The following SNTG1 variants were observed in gnomAD, a reference collection of about 807,000 sequenced individuals.
The protein encoded by SNTG1 is gamma-1-syntrophin.
SNTG1 carries 39 observed loss-of-function variants against 74.7 expected under a neutral mutation model. The ratio of observed to expected loss-of-function variants is 0.52; its 90% CI spans 0.40 to 0.68. The LOEUF is 0.68. Among genes scored for constraint, SNTG1 ranks in the 30% least tolerant of loss-of-function variants. The pLI is 0.00. For synonymous variants in SNTG1, 254 were observed against 217.1 expected (o/e 1.17, Z -1.49); for missense variants, 685 against 609.5 (o/e 1.12, Z -1.30).
chr8:50,428,220 G>A (rs2093188564), intron 4 of SNTG1, among the ~76,000 whole-genome samples: 1 of 152,166 alleles, frequency 6.6e-6, no homozygotes, highest in Non-Finnish European at 1.5e-5. Context: ...TGATGCAGAA[G>A]GATCTCTTTA....
intron 2 of SNTG1, among the ~76,000 whole-genome samples, chr8:50,175,170 C>T (rs1353734382): frequency 6.6e-6 from 1 of 152,094 alleles, no homozygotes; most frequent in Non-Finnish European, 1.5e-5. Context: ...CCGCAATAAA[C>T]ATACGTGTGC....
intron 2 of SNTG1, among the ~76,000 whole-genome samples, chr8:50,181,675 A>G (rs2083210374): frequency 6.6e-6 from 1 of 152,214 alleles, no homozygotes; most frequent in Non-Finnish European, 1.5e-5. Flanking sequence ...TAACTGTGTA[A>G]TTGCTAGTAT....
chr8:50,599,504 C>A (rs995896281), intron 13 of SNTG1, among the ~76,000 whole-genome samples: 1 of 151,804 alleles, frequency 6.6e-6, no homozygotes, highest in Admixed American at 6.6e-5. Context: ...TATAAAATGT[C>A]TTTCTTTTTT....
intron 18 of SNTG1, among the ~76,000 whole-genome samples, chr8:50,779,578 G>C (rs2095652185): frequency 6.6e-6 from 1 of 152,116 alleles, no homozygotes; most frequent in Non-Finnish European, 1.5e-5. Context: ...TGCCGAAGTT[G>C]CTTATCAGCT....
At chr8:50,095,458 G>C (rs2079892182) in intron 1 of SNTG1, among the ~76,000 whole-genome samples, 1 of 152,182 alleles carries the variant, frequency 6.6e-6, no homozygotes, top group Non-Finnish European at 1.5e-5. Context: ...ACAGTACTGA[G>C]GTCAGGTGGC....
intron 1 of SNTG1, among the ~76,000 whole-genome samples, chr8:49,993,467 G>A (rs895860262): frequency 9.2e-5 from 14 of 151,548 alleles, no homozygotes; most frequent in Admixed American, 1.3e-4. Context: ...GTATACATGT[G>A]CCATGGTGGT....
At chr8:50,359,684 G>T (rs1033676818) in intron 2 of SNTG1, among the ~76,000 whole-genome samples, 5 of 152,134 alleles carry the variant, frequency 3.3e-5, no homozygotes, top group African/African-American at 9.7e-5. Flanking sequence ...AGAAATTCTA[G>T]TTGTCTATCA....
At chr8:50,777,912 C>A (rs2095645902) in intron 18 of SNTG1, among the ~76,000 whole-genome samples, 1 of 152,012 alleles carries the variant, frequency 6.6e-6, no homozygotes, top group South Asian at 2.1e-4. Context: ...TCCATGTGAT[C>A]TCATTGTTCA....
chr8:50,672,035 G>C (rs1272684855), intron 15 of SNTG1, among the ~76,000 whole-genome samples: 3 of 125,618 alleles, frequency 2.4e-5, no homozygotes, highest in African/African-American at 9.1e-5. Flanking sequence ...CACACTCTGG[G>C]GACTGTTGTG....
At chr8:50,075,704 C>T (rs534723076) in intron 1 of SNTG1, among the ~76,000 whole-genome samples, 2 of 152,262 alleles carry the variant, frequency 1.3e-5, no homozygotes, top group Non-Finnish European at 2.9e-5. Context: ...CCTTTATGAG[C>T]TGTAACACTC....
chr8:50,122,623 T>C (rs1461822936), intron 1 of SNTG1, among the ~76,000 whole-genome samples: 1 of 141,702 alleles, frequency 7.1e-6, no homozygotes. Context: ...GGTGAGGCGG[T>C]AGCTCAGGAG....
intron 13 of SNTG1, among the ~76,000 whole-genome samples, chr8:50,621,663 T>C: frequency 6.6e-6 from 1 of 152,164 alleles, no homozygotes; most frequent in Non-Finnish European, 1.5e-5. Context: ...AACAGACAAC[T>C]GCCAAGCCTC....
chr8:50,319,202 A>C (rs2090434333), intron 2 of SNTG1, among the ~76,000 whole-genome samples: 1 of 152,094 alleles, frequency 6.6e-6, no homozygotes. Flanking sequence ...ACATACTTAC[A>C]AAAGTACAAA....
chr8:50,339,207 T>A (rs982787523), intron 2 of SNTG1, among the ~76,000 whole-genome samples: 1 of 152,076 alleles, frequency 6.6e-6, no homozygotes, highest in Admixed American at 6.5e-5. Flanking sequence ...AGTTAAATTA[T>A]CCTTCAAATG....
chr8:50,427,115 C>T (rs897100512), intron 4 of SNTG1, among the ~76,000 whole-genome samples: 12 of 151,974 alleles, frequency 7.9e-5, no homozygotes, highest in Non-Finnish European at 1.3e-4. Context: ...TATACTTCTA[C>T]CTATATAGAT....
intron 1 of SNTG1, among the ~76,000 whole-genome samples, chr8:49,985,782 G>T (rs1229380471): frequency 3.9e-5 from 6 of 152,044 alleles, no homozygotes; most frequent in African/African-American, 1.2e-4. Flanking sequence ...AAATTCATGT[G>T]ATTGTTTTTT....
intron 2 of SNTG1, among the ~76,000 whole-genome samples, chr8:50,363,809 A>G (rs1207125251): frequency 2.6e-5 from 4 of 152,124 alleles, no homozygotes; most frequent in Non-Finnish European, 5.9e-5. Flanking sequence ...AGATTTGGAG[A>G]ATCTCTCATA....
At chr8:50,157,198 A>G (rs2082279550) in intron 1 of SNTG1, among the ~76,000 whole-genome samples, 1 of 152,100 alleles carries the variant, frequency 6.6e-6, no homozygotes, top group Non-Finnish European at 1.5e-5. Flanking sequence ...CTGAATATAG[A>G]TATTTAGATG....
intron 2 of SNTG1, among the ~76,000 whole-genome samples, chr8:50,329,523 C>T (rs1266989711): frequency 6.6e-6 from 1 of 152,098 alleles, no homozygotes; most frequent in Admixed American, 6.5e-5. Flanking sequence ...GGCCCTTGCA[C>T]CCTCTAAAGC....
Sources: gnomAD v4.1 joint callset for allele counts (sites outside exome capture counted in the v4.1 genomes callset) on GRCh38, gnomAD v4.1.1 for gene constraint, MANE v1.5 for transcripts, NCBI Gene and HGNC (gene_info 2026-07-23, HGNC 2026-07-21) for gene names.